Variants in FAT3 observed in about 807,000 individuals in gnomAD.
The protein encoded by FAT3 is FAT atypical cadherin 3, also known as protocadherin Fat 3.
Under a neutral mutation model 310.2 loss-of-function variants are expected in FAT3, and 95 were observed. That is an observed-to-expected ratio of 0.31 (90% CI 0.26 to 0.36). The LOEUF (loss-of-function observed/expected upper bound fraction) is 0.36. Ranked by LOEUF, FAT3 falls within the 10% of genes least tolerant of loss-of-function variation. The pLI, the probability that FAT3 is intolerant of heterozygous loss-of-function variation, is 1.00. For missense variants in FAT3, 5,408 were observed against 5,715.6 expected (o/e 0.95, Z 1.74); for synonymous variants, 2,314 against 2,192.9 (o/e 1.06, Z -1.54).
At chr11:92,598,225 TA>T (rs1298245451) in intron 3 of FAT3, among the ~76,000 whole-genome samples, 1 of 124,060 alleles carries the variant, frequency 8.1e-6, no homozygotes, top group African/African-American at 3.9e-5. Context: ...CATATATATA[TA>T]TATATTTTTT....
chr11:92,593,129 C>T (rs1020542840), intron 3 of FAT3, among the ~76,000 whole-genome samples: 11 of 152,112 alleles, frequency 7.2e-5, no homozygotes, highest in African/African-American at 1.7e-4. Flanking sequence ...TTGTATGTGT[C>T]GGAATTTCCT....
At chr11:92,313,761 T>C (rs897127851) in intron 1 of FAT3, among the ~76,000 whole-genome samples, 1 of 152,228 alleles carries the variant, frequency 6.6e-6, no homozygotes, top group African/African-American at 2.4e-5. Context: ...GGTTTCACCA[T>C]GTTGGTCAGG....
intron 2 of FAT3, among the ~76,000 whole-genome samples, chr11:92,499,485 C>T (rs1020501530): frequency 1.5e-4 from 23 of 152,068 alleles, no homozygotes; most frequent in African/African-American, 2.2e-4. Flanking sequence ...TTAATATCAA[C>T]GGTTTTGATT....
intron 6 of FAT3, among the ~76,000 whole-genome samples, chr11:92,766,385 C>T (rs1287179269): frequency 6.6e-6 from 1 of 152,160 alleles, no homozygotes; most frequent in Non-Finnish European, 1.5e-5. Context: ...TTTCCTTCCC[C>T]ATGGCACTGC....
At chr11:92,304,981 C>T (rs1160660359) in intron 1 of FAT3, among the ~76,000 whole-genome samples, 3 of 152,120 alleles carry the variant, frequency 2.0e-5, no homozygotes, top group Non-Finnish European at 4.4e-5. Flanking sequence ...ATAAATGAGA[C>T]CTGCTGGATA....
intron 3 of FAT3, among the ~76,000 whole-genome samples, chr11:92,564,768 A>G (rs1423529157): frequency 6.7e-6 from 1 of 149,700 alleles, no homozygotes; most frequent in East Asian, 2.0e-4. Flanking sequence ...AAACTGAACA[A>G]CCTGCTCCTG....
chr11:92,806,415 G>T lies in FAT3; in HGVS notation c.9147G>T (p.Leu3049=). ...ACATTCCATCAAATAAAATCATCCT[G>T]AAAGTCAGTGCAAAGGATGCTGATA... The part of the protein sequence containing the change: ...PEDIPSNKII[L]KVSAKDADIG... The change falls in exon 12 of 28, where the codon CTG becomes CTT. Residue 3049 remains leucine (L), a synonymous_variant. Coordinates refer to ENST00000525166, the MANE Select transcript of FAT3 (RefSeq NM_001367949.2). 6.3e-7 allele frequency: 1 copy of T among 1,593,718 alleles called. No individual in the cohort carries two copies. The highest frequency in any genetic ancestry group is 1.8e-5 in the Admixed American group (1 of 57,016).
intron 24 of FAT3, among the ~76,000 whole-genome samples, chr11:92,885,830 A>C (rs1283763642): frequency 3.3e-5 from 5 of 151,986 alleles, no homozygotes; most frequent in Non-Finnish European, 5.9e-5. Context: ...TCATCGTCAT[A>C]TTTTCTGCAA....
chr11:92,457,634 GA>G (rs1951524895), intron 2 of FAT3, among the ~76,000 whole-genome samples: 1 of 152,154 alleles, frequency 6.6e-6, no homozygotes, highest in Non-Finnish European at 1.5e-5. Flanking sequence ...TAAATAAACT[GA>G]AATAGGCTGG....
chr11:92,432,909 CCTTT>C (rs1950826655), intron 2 of FAT3, among the ~76,000 whole-genome samples: 1 of 152,192 alleles, frequency 6.6e-6, no homozygotes, highest in Non-Finnish European at 1.5e-5. Context: ...GGGGCTGCTG[CCTTT>C]CTTTCAGAGA....
chr11:92,631,094 A>G (rs1941542509), intron 3 of FAT3, among the ~76,000 whole-genome samples: 1 of 152,218 alleles, frequency 6.6e-6, no homozygotes, highest in Admixed American at 6.5e-5. Flanking sequence ...TTCAGCACCA[A>G]ACTAGGTCAG....
At chr11:92,757,312 T>C (rs1436949097) in intron 4 of FAT3, among the ~76,000 whole-genome samples, 1 of 152,190 alleles carries the variant, frequency 6.6e-6, no homozygotes, top group Non-Finnish European at 1.5e-5. Flanking sequence ...GCACCACTGA[T>C]TATTGATTGG....
intron 7 of FAT3, among the ~76,000 whole-genome samples, chr11:92,786,548 G>A (rs925663445): frequency 5.9e-5 from 9 of 152,060 alleles, no homozygotes; most frequent in African/African-American, 2.2e-4. Context: ...AAACTATACC[G>A]AAATGCCGTT....
intron 4 of FAT3, among the ~76,000 whole-genome samples, chr11:92,745,582 G>GAA (rs58851230): frequency 0.35 from 43,274 of 122,198 alleles, 7,350 homozygotes; most frequent in African/African-American, 0.41. Flanking sequence ...TCTCTGCAGG[G>GAA]AAAAAAAAAA....
chr11:92,821,580 G>A (rs1305554462), intron 13 of FAT3, among the ~76,000 whole-genome samples: 4 of 152,156 alleles, frequency 2.6e-5, no homozygotes, highest in South Asian at 2.1e-4. Context: ...ATTTTCTGGA[G>A]TACACTGTGG....
intron 2 of FAT3, among the ~76,000 whole-genome samples, chr11:92,443,432 G>A (rs1160649897): frequency 6.6e-6 from 1 of 152,130 alleles, no homozygotes; most frequent in East Asian, 1.9e-4. Flanking sequence ...TGCTTTTATA[G>A]AAATGTTCAG....
At chr11:92,299,537 G>A (rs1946936375) in intron 1 of FAT3, among the ~76,000 whole-genome samples, 1 of 152,182 alleles carries the variant, frequency 6.6e-6, no homozygotes. Flanking sequence ...CACAGAGGAG[G>A]AAGACAATAA....
rs771514446 is a variant in FAT3 at position 92,801,139 on chromosome 11, C to G, written c.8126C>G (p.Thr2709Ser). ...CCTGAAACGTTCTTGCCATCATTCA[C>G]CCAGTCTCAGTATTCCTTTACCATT... ...LPPETFLPSFTQSQYSFTIAE... is the reference protein window; with the variant it reads ...LPPETFLPSFSQSQYSFTIAE... Residue 2709 changes from threonine (T) to serine (S), a missense_variant, in exon 10 of 28, where the codon ACC becomes AGC. By Grantham distance (58) the Thr-to-Ser change is moderately conservative. This residue lies in a region of FAT3 where 4,588 missense variants were observed against 4,809.8 expected (regional missense o/e 0.95). Coordinates refer to ENST00000525166, the MANE Select transcript of FAT3 (RefSeq NM_001367949.2). The G allele has an allele frequency of 2.1e-5, 34 of 1,613,816 alleles. No homozygotes were observed. The Admixed American group carries it at 4.2e-4, about 20-fold the overall frequency.
chr11:92,562,827 T>C (rs2099365018), intron 3 of FAT3, among the ~76,000 whole-genome samples: 1 of 152,212 alleles, frequency 6.6e-6, no homozygotes, highest in Non-Finnish European at 1.5e-5. Flanking sequence ...TTTTCTTATA[T>C]CTGGCCCTCA....
Sources: gnomAD v4.1 joint callset for allele counts (sites outside exome capture counted in the v4.1 genomes callset) on GRCh38, gnomAD v4.1.1 for gene constraint, gnomAD v4.1.1 regional missense constraint, MANE v1.5 for transcripts, NCBI Gene and HGNC (gene_info 2026-07-23, HGNC 2026-07-21) for gene names.